RFX4: variants seen among roughly 807,000 people sequenced by gnomAD.
RFX4 encodes regulatory factor X4.
A neutral mutation model predicts 95.0 loss-of-function variants in RFX4; 10 were observed. The observed-to-expected ratio is 0.11, with a 90% CI of 0.06 to 0.18. The LOEUF (loss-of-function observed/expected upper bound fraction) is 0.18. Among genes scored for constraint, RFX4 ranks in the 10% least tolerant of loss-of-function variants. The pLI is 1.00. For synonymous variants in RFX4, 321 were observed against 340.7 expected, an observed-to-expected ratio of 0.94 and a Z score of 0.64; for missense variants, 640 against 922.0, an observed-to-expected ratio of 0.69 and a Z score of 3.96.
chr12:106,604,243 C>T (rs1389835764), intron 1 of RFX4, among the ~76,000 whole-genome samples: 1 of 151,650 alleles, frequency 6.6e-6, no homozygotes, highest in African/African-American at 2.4e-5. Flanking sequence ...GCCTCAGCCT[C>T]CTGCGTAGCT....
chr12:106,745,378 C>A (rs2042872420), intron 15 of RFX4, among the ~76,000 whole-genome samples: 1 of 152,180 alleles, frequency 6.6e-6, no homozygotes, highest in Non-Finnish European at 1.5e-5. Context: ...CACCTCATTA[C>A]AACAAAGGAC....
At chr12:106,632,094 G>A (rs2040426898) in intron 2 of RFX4, among the ~76,000 whole-genome samples, 1 of 152,204 alleles carries the variant, frequency 6.6e-6, no homozygotes, top group Non-Finnish European at 1.5e-5. Context: ...ATAAGTAGTG[G>A]AGCTGGGATT....
In RFX4 at chr12:106,639,380, C is replaced by T; in HGVS notation, c.179C>T (p.Ala60Val). 1 of 1,613,788 alleles carries T rather than the reference C, an allele frequency of 6.2e-7. No individual in the cohort carries two copies. The highest frequency in any genetic ancestry group is 1.1e-5 in the South Asian group (1 of 91,004). Reference sequence around the variant, plus strand: ...GCATCCAAGCCCCACTCCACTCCTGCTACTCTGCAATGGTAAGTTTCCATT... The same window carrying T: ...GCATCCAAGCCCCACTCCACTCCTGTTACTCTGCAATGGTAAGTTTCCATT... ...NRASKPHSTP[A>V]TLQWLEENYE... The change falls in exon 3 of 18, where the codon GCT (alanine) becomes GTT (valine). Residue 60 changes from alanine to valine, a missense_variant. Ala to Val is a moderately conservative substitution (Grantham distance 64). Coordinates refer to ENST00000392842, the MANE Select transcript of RFX4 (RefSeq NM_213594.3).
chr12:106,750,882 T>A, intron 17 of RFX4, 89 bp downstream of exon 17: 10 of 1,193,960 alleles, frequency 8.4e-6, no homozygotes, highest in African/African-American at 1.6e-5. Flanking sequence ...TTATGCATAC[T>A]GTGTGTGCAG....
At chr12:106,757,873 G>A (rs1285788615) in intron 17 of RFX4, among the ~76,000 whole-genome samples, 3 of 152,234 alleles carry the variant, frequency 2.0e-5, no homozygotes, top group Admixed American at 6.5e-5. Context: ...AAGAGAGCAA[G>A]AGTCAGTCAC....
At chr12:106,719,836 C>A in intron 11 of RFX4, 124 bp from the exon 12 acceptor site, 2 of 726,570 alleles carry the variant, frequency 2.8e-6, no homozygotes, top group Non-Finnish European at 4.7e-6. Context: ...TCTGCTAAGA[C>A]CTTGGAGTTT....
At chr12:106,583,420 G>C in intron 1 of RFX4, 57 bp downstream of exon 1, 1 of 1,476,518 alleles carries the variant, frequency 6.8e-7, no homozygotes, top group Non-Finnish European at 9.1e-7. Flanking sequence ...GAAGGGAGAG[G>C]GGGAACTTTA....
intron 4 of RFX4, among the ~76,000 whole-genome samples, chr12:106,662,710 A>G (rs908247989): frequency 1.3e-5 from 2 of 152,088 alleles, no homozygotes; most frequent in African/African-American, 4.8e-5. Context: ...ACTTAGATCT[A>G]TGATCCATTT....
At chr12:106,608,583 A>G (rs370154017) in intron 1 of RFX4, among the ~76,000 whole-genome samples, 5 of 152,222 alleles carry the variant, frequency 3.3e-5, no homozygotes, top group Non-Finnish European at 7.4e-5. Context: ...TTTTGCATCC[A>G]AACTACTCAG....
chr12:106,656,932 A>G (rs2040972551), intron 4 of RFX4, among the ~76,000 whole-genome samples: 3 of 152,204 alleles, frequency 2.0e-5, no homozygotes, highest in Admixed American at 6.5e-5. Flanking sequence ...ACAAGGAAAT[A>G]CTCTAATGGC....
Position 106,633,982 on chromosome 12 carries a change from G to A in RFX4, c.131-5350G>A, listed in dbSNP as rs539760779. ...GTCCTCTTCAAAATGAACAGGGCAG[G>A]TTACAAACTAGGATGGACTGTATGA... On this transcript the variant is annotated intron_variant, in intron 2 of 17. Coordinates refer to ENST00000392842, the MANE Select transcript of RFX4 (RefSeq NM_213594.3). Among the ~76,000 whole-genome samples the A allele has an allele frequency of 2.6e-5, 4 of 152,282 alleles. No individual in the cohort carries two copies. The South Asian group carries it at 8.3e-4, about 32-fold the overall frequency.
chr12:106,645,940 A>T (rs1307134505), intron 3 of RFX4: 2 of 1,289,080 alleles, frequency 1.6e-6, no homozygotes, highest in Non-Finnish European at 2.0e-6. Flanking sequence ...GAGAAAGGTC[A>T]GTTAAGCTGG....
At chr12:106,756,655 T>A (rs1254308333) in intron 17 of RFX4, among the ~76,000 whole-genome samples, 1 of 152,178 alleles carries the variant, frequency 6.6e-6, no homozygotes, top group African/African-American at 2.4e-5. Context: ...TGCCTCCAAT[T>A]AGCCCTGTGC....
intron 8 of RFX4, among the ~76,000 whole-genome samples, chr12:106,698,702 T>G (rs1345358035): frequency 6.7e-6 from 1 of 150,254 alleles, no homozygotes; most frequent in Non-Finnish European, 1.5e-5. Context: ...TCTCTTCTTT[T>G]TTTTTTTAAT....
chr12:106,705,108 G>T (rs747035444), intron 8 of RFX4, among the ~76,000 whole-genome samples: 14 of 152,172 alleles, frequency 9.2e-5, no homozygotes, highest in Non-Finnish European at 1.8e-4. Context: ...AATAACTTTT[G>T]TGAGCCTCGA....
intron 3 of RFX4, among the ~76,000 whole-genome samples, chr12:106,653,809 G>A (rs2137318252): frequency 6.6e-6 from 1 of 152,320 alleles, no homozygotes; most frequent in African/African-American, 2.4e-5. Context: ...CCAAGATGTT[G>A]ACACATCCTC....
chr12:106,716,674 A>G lies in RFX4; in HGVS notation c.1138+1130A>G, dbSNP rs962257990. Among the ~76,000 whole-genome samples the G allele has an allele frequency of 5.9e-5, 9 of 152,250 alleles. No individual in the cohort carries two copies. In the East Asian group the frequency reaches 1.7e-3, roughly 29 times the overall value. Reference sequence around the variant, plus strand: ...TACTTCTTCCTTCACAGCTGCCCCAAGCCCACTTTTCCCCTGGTAAGAATT... The same window carrying G: ...TACTTCTTCCTTCACAGCTGCCCCAGGCCCACTTTTCCCCTGGTAAGAATT... On this transcript the variant is annotated intron_variant, in intron 11 of 17. Transcript: ENST00000392842.
intron 3 of RFX4, among the ~76,000 whole-genome samples, chr12:106,652,872 G>A (rs543272427): frequency 1.3e-5 from 2 of 152,290 alleles, no homozygotes; most frequent in Admixed American, 6.5e-5. Context: ...CTCTCAGAGG[G>A]AGTTTTGAAG....
intron 10 of RFX4, among the ~76,000 whole-genome samples, chr12:106,713,256 G>A (rs182048531): frequency 1.1e-4 from 16 of 152,220 alleles, no homozygotes; most frequent in Middle Eastern, 3.4e-3. Context: ...TAAGATTCAC[G>A]TCCAGGCTCT....
Sources: allele counts gnomAD v4.1 joint callset (sites outside exome capture counted in the v4.1 genomes callset), GRCh38; gene constraint gnomAD v4.1.1; transcripts MANE v1.5; gene names NCBI Gene and HGNC (gene_info 2026-07-23, HGNC 2026-07-21).